COL12A1: variants seen among roughly 807,000 people sequenced by gnomAD.
The protein encoded by COL12A1 is collagen alpha-1(XII) chain.
COL12A1 carries 114 observed loss-of-function variants against 349.7 expected under a neutral mutation model. The ratio of observed to expected loss-of-function variants is 0.33; its 90% CI spans 0.28 to 0.38. COL12A1 has a LOEUF of 0.38. Ranked by LOEUF, COL12A1 falls within the 10% of genes least tolerant of loss-of-function variation. The pLI, the probability that COL12A1 is intolerant of heterozygous loss-of-function variation, is 1.00. For missense variants in COL12A1, 3,284 were observed against 3,756.9 expected (o/e 0.87, Z 3.29); for synonymous variants, 1,369 against 1,329.0 (o/e 1.03, Z -0.66).
chr6:75,132,611 C>G (rs1223225560), intron 34 of COL12A1, among the ~76,000 whole-genome samples: 1 of 152,102 alleles, frequency 6.6e-6, no homozygotes, highest in Admixed American at 6.5e-5. Context: ...TAATTAACTG[C>G]CCCAATAGGA....
intron 52 of COL12A1, 136 bp from the exon 53 acceptor site, chr6:75,106,632 T>C (rs1044651073): frequency 2.8e-6 from 2 of 709,562 alleles, no homozygotes; most frequent in Middle Eastern, 2.7e-4. Context: ...ATGTGATCCT[T>C]ACTTCATGAG....
At position 75,090,338 on chromosome 6, in the gene COL12A1, A is replaced by G. The variant is rs572323627; in HGVS notation, c.8753-40T>C. On this transcript the variant is annotated intron_variant, in intron 62 of 65. Coordinates refer to ENST00000322507, the MANE Select transcript of COL12A1 (RefSeq NM_004370.6). This position sits in a 1 kb window ranked among gnomAD's most constrained non-coding sequence, Gnocchi z 4.1. The stretch of plus-strand genomic sequence containing the variant: ...AAGGCTTGTTAGTAAGAAACCCAAT[A>G]AAGGACGGATGAGAGAGTGAAACTG... The G allele has an allele frequency of 1.0e-5, 16 of 1,564,830 alleles. No homozygotes were observed. The South Asian group carries it at 1.6e-4, about 16-fold the overall frequency.
chr6:75,087,426 T>C (rs765185429), intron 65 of COL12A1, 151 bp downstream of exon 65: 6 of 691,994 alleles, frequency 8.7e-6, no homozygotes, highest in Non-Finnish European at 1.4e-5. Context: ...TGTGCTATGA[T>C]AGCAAACACT....
At position 75,162,607 on chromosome 6, in the gene COL12A1, G is replaced by C. The variant is rs150274043; in HGVS notation, c.2983+2900C>G. Among the ~76,000 whole-genome samples, 1,320 of 152,112 alleles carry C rather than the reference G, an allele frequency of 8.7e-3. 57 individuals are homozygous for C. The highest frequency in any genetic ancestry group is 0.072 in the Admixed American group (1,104 of 15,252). ...ATTTAAGACATAGGCATGGGCAAAG[G>C]CTTCATGACTAAAACACCAAAAGCA... On this transcript the variant is annotated intron_variant, in intron 14 of 65. Coordinates refer to ENST00000322507, the MANE Select transcript of COL12A1 (RefSeq NM_004370.6).
rs768943327 is a variant in COL12A1, at chr6:75,155,809, G to T, written c.3296C>A (p.Thr1099Asn). 102 of 1,612,776 alleles carry T rather than the reference G, an allele frequency of 6.3e-5. No individual in the cohort carries two copies. Among genetic ancestry groups the T allele is most frequent in the Non-Finnish European group, 8.4e-5 (99 of 1,179,440 alleles). Residue 1099 changes from threonine to asparagine, a missense_variant, in exon 16 of 66, where the codon ACC (threonine) becomes AAC (asparagine). Thr to Asn is a moderately conservative substitution (Grantham distance 65). Around this residue, in one of 2 missense-constraint regions of COL12A1, gnomAD observed 2,601 missense variants for 2,824.8 expected, o/e 0.92. Coordinates refer to ENST00000322507, the MANE Select transcript of COL12A1 (RefSeq NM_004370.6). ...SPRNLKTSDP[T>N]MSSFRVTWEP... The stretch of plus-strand genomic sequence containing the variant: ...CCAAGTCACTCGGAAGCTTGACATG[G>T]TTGGGTCAGATGTTTTGAGGTTTCT...
Position 75,125,145 on chromosome 6 carries a change from T to A in COL12A1, c.6589A>T (p.Thr2197Ser). The change falls in exon 40 of 66, where the codon ACA becomes TCA. Residue 2197 changes from threonine (T) to serine (S), a missense_variant. Thr to Ser is a moderately conservative substitution (Grantham distance 58). This residue lies in a region of COL12A1 where 2,601 missense variants were observed against 2,824.8 expected (regional missense o/e 0.92). Coordinates refer to ENST00000322507, the MANE Select transcript of COL12A1 (RefSeq NM_004370.6). ...GACTCACATGTAGTGCCTTGATCTGTCAAGGGGACACTGAGTCCAGAATCA... is the reference window on the plus strand; with the variant it reads ...GACTCACATGTAGTGCCTTGATCTGACAAGGGGACACTGAGTCCAGAATCA... ...QYDSGLSVPL[T>S]DQGTTLYLNV... 1 of 1,610,714 alleles carries A rather than the reference T, an allele frequency of 6.2e-7. No homozygotes were observed. The highest frequency in any genetic ancestry group is 8.5e-7 in the Non-Finnish European group (1 of 1,178,326).
chr6:75,128,526 T>C, intron 37 of COL12A1, 101 bp from the exon 38 acceptor site: 1 of 988,804 alleles, frequency 1.0e-6, no homozygotes, highest in South Asian at 3.7e-5. Flanking sequence ...AATAGTAGTT[T>C]TTTTCACATT....
chr6:75,106,899 CTTTTTT>C (rs1160421791), intron 52 of COL12A1, among the ~76,000 whole-genome samples: 7 of 41,934 alleles, frequency 1.7e-4, no homozygotes, highest in South Asian at 1.1e-3. Context: ...TTTTCTTTTT[CTTTTTT>C]TTTTTTTTTT....
At position 75,189,597 on chromosome 6, in the gene COL12A1, CAAG is replaced by C; in HGVS notation, c.610_612del (p.Leu204del). On this transcript the variant is annotated inframe_deletion, in exon 6 of 66. Transcript: ENST00000322507. ...TTATATGGAATTTTTTTTATTGCAG[CAAG>C]AAGTTCATCCCTTTGGTAGTACTGA... 1 of 1,613,070 alleles carries C rather than the reference CAAG, an allele frequency of 6.2e-7. No homozygotes were observed. The highest frequency in any genetic ancestry group is 1.1e-5 in the South Asian group (1 of 91,008).
intron 34 of COL12A1, among the ~76,000 whole-genome samples, 186 bp downstream of exon 34, chr6:75,133,106 AT>A (rs1766392835): frequency 6.6e-6 from 1 of 152,244 alleles, no homozygotes; most frequent in African/African-American, 2.4e-5. Flanking sequence ...AGAAGATGCC[AT>A]TATAAATTTG....
chr6:75,193,227 G>A (rs1770036952), intron 3 of COL12A1, among the ~76,000 whole-genome samples: 1 of 152,048 alleles, frequency 6.6e-6, no homozygotes, highest in African/African-American at 2.4e-5. Flanking sequence ...GGAAGTGTTA[G>A]GTGTCAGTTA....
chr6:75,171,022 A>G (rs920962063), intron 13 of COL12A1, among the ~76,000 whole-genome samples: 20 of 152,248 alleles, frequency 1.3e-4, no homozygotes, highest in Non-Finnish European at 1.5e-4. Flanking sequence ...TTATTCTTCA[A>G]ATTGAAATTC....
intron 4 of COL12A1, among the ~76,000 whole-genome samples, chr6:75,191,967 C>T (rs1006965360): frequency 6.6e-6 from 1 of 151,922 alleles, no homozygotes; most frequent in African/African-American, 2.4e-5. Context: ...AAGATATTCA[C>T]ATTGTTGTCC....
In COL12A1 at chr6:75,145,389, C is replaced by T. The variant is rs771220392; in HGVS notation, c.4627G>A (p.Val1543Ile). 1.9e-6 allele frequency: 3 copies of T among 1,614,038 alleles called. No homozygotes were observed. The highest frequency in any genetic ancestry group is 1.1e-5 in the South Asian group (1 of 91,072). Residue 1543 changes from valine to isoleucine, a missense_variant, in exon 25 of 66, where the codon GTC becomes ATC. Physicochemically the swap from Val to Ile is conservative, Grantham distance 29. This residue lies in a region of COL12A1 where 2,601 missense variants were observed against 2,824.8 expected (regional missense o/e 0.92). Transcript: ENST00000322507. ...TDLVPNTEYA[V>I]TVQAVLHDLT... is the part of the protein sequence containing the mutation. ...TCGTGCAGGACAGCCTGGACTGTGACTGCATACTCCGTGTTGGGAACAAGG... is the reference window on the plus strand; with the variant it reads ...TCGTGCAGGACAGCCTGGACTGTGATTGCATACTCCGTGTTGGGAACAAGG...
At chr6:75,150,377 T>A (rs1179907364) in intron 21 of COL12A1, among the ~76,000 whole-genome samples, 2 of 152,198 alleles carry the variant, frequency 1.3e-5, no homozygotes, top group African/African-American at 4.8e-5. Flanking sequence ...CTATATCTAC[T>A]TTTTTAATAC....
chr6:75,113,662 A>G lies in COL12A1; in HGVS notation c.7780T>C (p.Phe2594Leu). The G allele has an allele frequency of 6.2e-7, 1 of 1,607,594 alleles. No individual in the cohort carries two copies. ...RLLPETPSDP[F>L]AIWQITDRDY... Reference sequence around the variant, plus strand: ...CTGTCTGTGATTTGCCAAATTGCAAAAGGGTCACTGGGAGTTTCTGGGAGA... The same window carrying G: ...CTGTCTGTGATTTGCCAAATTGCAAGAGGGTCACTGGGAGTTTCTGGGAGA... The change falls in exon 50 of 66, where the codon TTT (phenylalanine) becomes CTT (leucine). Residue 2594 changes from phenylalanine to leucine, a missense_variant. Phe to Leu is a conservative substitution (Grantham distance 22). Transcript: ENST00000322507.
In COL12A1 at chr6:75,149,401, AG is replaced by A. The variant is rs1351691546; in HGVS notation, c.4148-905del. 2.0e-5 allele frequency among the ~76,000 whole-genome samples: 3 copies of A among 152,054 alleles called. No individual in the cohort carries two copies. The East Asian group carries it at 5.8e-4, about 29-fold the overall frequency. ...TTCATTCTATTCTCTAACAGGATCT[AG>A]TTGCATAACAAAGGAAGCTGACAAT... is the stretch of plus-strand genomic sequence containing the variant. On this transcript the variant is annotated intron_variant, in intron 21 of 65. Coordinates refer to ENST00000322507, the MANE Select transcript of COL12A1 (RefSeq NM_004370.6).
chr6:75,129,159 A>G (rs1390178815), intron 37 of COL12A1, among the ~76,000 whole-genome samples: 1 of 152,246 alleles, frequency 6.6e-6, no homozygotes, highest in African/African-American at 2.4e-5. Context: ...AACAAACACT[A>G]ACCATGAGTT....
chr6:75,108,916 A>C, intron 52 of COL12A1, 102 bp downstream of exon 52: 1 of 1,279,562 alleles, frequency 7.8e-7, no homozygotes, highest in Non-Finnish European at 1.1e-6. Context: ...CTTAAAACTC[A>C]CTGAGAAAAA....
Sources: gnomAD v4.1 joint callset for allele counts (sites outside exome capture counted in the v4.1 genomes callset) on GRCh38, gnomAD v4.1.1 for gene constraint, gnomAD v4.1.1 regional missense constraint, Gnocchi (gnomAD v3.1) non-coding constraint, MANE v1.5 for transcripts, NCBI Gene and HGNC (gene_info 2026-07-23, HGNC 2026-07-21) for gene names.